VSTM2L: variants seen among roughly 807,000 people sequenced by gnomAD.
The protein encoded by VSTM2L is V-set and transmembrane domain-containing protein 2-like protein.
A neutral mutation model predicts 19.9 loss-of-function variants in VSTM2L; 9 were observed. The ratio of observed to expected loss-of-function variants is 0.45; its 90% CI spans 0.27 to 0.79. VSTM2L has a LOEUF of 0.79. VSTM2L is among the 30% of genes least tolerant of loss of function. The pLI is 0.15. For synonymous variants in VSTM2L, 127 were observed against 133.8 expected, an observed-to-expected ratio of 0.95 and a Z score of 0.35; for missense variants, 286 against 295.5, an observed-to-expected ratio of 0.97 and a Z score of 0.24.
chr20:37,903,400 T>C lies in VSTM2L; in HGVS notation c.50T>C (p.Leu17Pro). The C allele has an allele frequency of 6.7e-7, 1 of 1,490,614 alleles. No homozygotes were observed. Among genetic ancestry groups the C allele is most frequent in the Non-Finnish European group, 8.9e-7 (1 of 1,126,530 alleles). 92.3% of individuals were successfully genotyped at this position (1,490,614 alleles called of 1,614,324 possible). A position where few individuals can be genotyped will look rare whatever the true frequency, so the allele number is the denominator to read the frequency against. The change falls in exon 1 of 4, where the codon CTT becomes CCT. Residue 17 changes from leucine (L) to proline (P), a missense_variant. Transcript: ENST00000373461. ...CTGGGCGCCCTCCACTACCTGGCAC[T>C]TTTCCTGCAACTCGGCGGCGCCACG... ...VALGALHYLA[L>P]FLQLGGATRP...
chr20:37,912,292 G>T (rs1385925404), intron 1 of VSTM2L, among the ~76,000 whole-genome samples: 2 of 152,244 alleles, frequency 1.3e-5, no homozygotes, highest in African/African-American at 4.8e-5. Flanking sequence ...AGCGCTCCTG[G>T]CTTGGTCAGA....
At chr20:37,903,575 C>T in intron 1 of VSTM2L, 104 bp downstream of exon 1, 2 of 1,306,836 alleles carry the variant, frequency 1.5e-6, no homozygotes, top group Non-Finnish European at 1.9e-6. Context: ...CCAGTCGTGG[C>T]GGGCATCCCG....
chr20:37,906,553 C>T (rs1016294273), intron 1 of VSTM2L, among the ~76,000 whole-genome samples: 4 of 152,216 alleles, frequency 2.6e-5, no homozygotes, highest in Non-Finnish European at 5.9e-5. Flanking sequence ...CTCAGGCTGA[C>T]CATTCATGCA....
chr20:37,907,654 CACACACACACACCCCT>C (rs1438195863), intron 1 of VSTM2L, among the ~76,000 whole-genome samples: 1 of 151,526 alleles, frequency 6.6e-6, no homozygotes, highest in South Asian at 2.1e-4. Flanking sequence ...CCCACCCTGC[CACACACACACACCCCT>C]ACACACACAC....
chr20:37,922,202 C>G (rs1262890553), intron 1 of VSTM2L, among the ~76,000 whole-genome samples: 1 of 152,090 alleles, frequency 6.6e-6, no homozygotes. Flanking sequence ...CCTTCCCCTG[C>G]CCCCAGCCCC....
chr20:37,944,460 T>C lies in VSTM2L; in HGVS notation c.*207T>C. The C allele has an allele frequency of 1.2e-6, 1 of 818,586 alleles. No individual in the cohort carries two copies. Among genetic ancestry groups the C allele is most frequent in the Non-Finnish European group, 1.6e-6 (1 of 610,870 alleles). 50.7% of individuals were successfully genotyped at this position (818,586 alleles called of 1,614,324 possible). A position where few individuals can be genotyped will look rare whatever the true frequency, so the allele number is the denominator to read the frequency against. ...GCCCTTTCAGACCCCTGCGGTGACC[T>C]GGCTCGGAGAAGGTGGCCCTGGGCA... On this transcript the variant is annotated 3_prime_UTR_variant, in exon 4 of 4. Coordinates refer to ENST00000373461, the MANE Select transcript of VSTM2L (RefSeq NM_080607.3).
At chr20:37,922,435 C>T (rs1050180737) in intron 1 of VSTM2L, among the ~76,000 whole-genome samples, 2 of 152,158 alleles carry the variant, frequency 1.3e-5, no homozygotes, top group Admixed American at 1.3e-4. Context: ...TAGGGAGCAT[C>T]ACAGTGTGAT....
At chr20:37,922,882 G>A (rs760190534) in intron 1 of VSTM2L, among the ~76,000 whole-genome samples, 1 of 151,686 alleles carries the variant, frequency 6.6e-6, no homozygotes. Context: ...GAGGACCGGT[G>A]GGTGAGGGGC....
chr20:37,935,367 T>A (rs2072933676), intron 3 of VSTM2L, among the ~76,000 whole-genome samples: 1 of 152,204 alleles, frequency 6.6e-6, no homozygotes, highest in Admixed American at 6.5e-5. Context: ...AGGTACTCCC[T>A]GGATTCCTGC....
chr20:37,938,624 G>A (rs183041932), intron 3 of VSTM2L, among the ~76,000 whole-genome samples: 1 of 152,374 alleles, frequency 6.6e-6, no homozygotes, highest in East Asian at 1.9e-4. Flanking sequence ...GCAGGGAGGA[G>A]GCTGAACTTG....
rs771767976 is a variant in VSTM2L, at chr20:37,931,587, C to A, written c.122-48C>A. ...TTCTCCACCTCCTTCACCCACTAGC[C>A]CCGTGGTTTCCTGAGCCCCGCCATT... On this transcript the variant is annotated intron_variant, in intron 1 of 3. Coordinates refer to ENST00000373461, the MANE Select transcript of VSTM2L (RefSeq NM_080607.3). 4 of 1,578,448 alleles carry A rather than the reference C, an allele frequency of 2.5e-6. No individual in the cohort carries two copies. The South Asian group carries it at 4.7e-5, about 18-fold the overall frequency.
At position 37,921,838 on chromosome 20, in the gene VSTM2L, C is replaced by CTTTTTTTT. The variant is rs756122087; in HGVS notation, c.122-9782_122-9775dup. ...TTTCTCTCTTTCTTTCTTTCTTTTC[C>CTTTTTTTT]TTTTTTTTTTTTTTTTTTTTTTGAG... On this transcript the variant is annotated intron_variant, in intron 1 of 3. Coordinates refer to ENST00000373461, the MANE Select transcript of VSTM2L (RefSeq NM_080607.3). Among the ~76,000 whole-genome samples, 20 of 91,770 alleles carry CTTTTTTTT rather than the reference C, an allele frequency of 2.2e-4. 1 individual carries two copies. The highest frequency in any genetic ancestry group is 5.2e-4 in the African/African-American group (10 of 19,348). The allele number at this position is 91,770 out of a possible 152,430, so 60.2% of individuals were successfully genotyped here. A position where few individuals can be genotyped will look rare whatever the true frequency, so the allele number is the denominator to read the frequency against.
chr20:37,940,185 G>T (rs1021220468), intron 3 of VSTM2L, among the ~76,000 whole-genome samples: 3 of 152,228 alleles, frequency 2.0e-5, no homozygotes, highest in African/African-American at 7.2e-5. Context: ...CTCCCGCTGC[G>T]CATTTGCAAC....
intron 1 of VSTM2L, among the ~76,000 whole-genome samples, chr20:37,911,811 AG>A: frequency 6.6e-6 from 1 of 152,018 alleles, no homozygotes; most frequent in East Asian, 1.9e-4. Context: ...AGTTTGCTTG[AG>A]CTCCAAGCCT....
rs184082449 is a variant in VSTM2L at position 37,925,690 on chromosome 20, C to T, written c.122-5945C>T. Among the ~76,000 whole-genome samples the T allele has an allele frequency of 7.2e-5, 11 of 152,302 alleles. No individual in the cohort carries two copies. In the East Asian group the frequency reaches 1.5e-3, roughly 21 times the overall value. ...GTCAAAAGGTCCCTGAGGGTGCCTC[C>T]CCTAACCCACCGCCCGTAGGCAGCT... On this transcript the variant is annotated intron_variant, in intron 1 of 3. Transcript: ENST00000373461.
At chr20:37,921,800 G>A (rs973230883) in intron 1 of VSTM2L, among the ~76,000 whole-genome samples, 1 of 149,160 alleles carries the variant, frequency 6.7e-6, no homozygotes, top group East Asian at 2.0e-4. Context: ...AAGTTCAGGG[G>A]ATTTTTGTTT....
intron 1 of VSTM2L, among the ~76,000 whole-genome samples, chr20:37,917,545 A>C (rs561601020): frequency 6.6e-6 from 1 of 152,296 alleles, no homozygotes; most frequent in East Asian, 1.9e-4. Context: ...TTTAATCCTC[A>C]AAATAAGCCT....
chr20:37,945,147 G>A lies in VSTM2L; in HGVS notation c.*894G>A. 1 of 985,682 alleles carries A rather than the reference G, an allele frequency of 1.0e-6. No individual in the cohort carries two copies. Among genetic ancestry groups the A allele is most frequent in the Non-Finnish European group, 1.2e-6 (1 of 829,936 alleles). The allele number at this position is 985,682 out of a possible 1,614,324, so 61.1% of individuals were successfully genotyped here. A position where few individuals can be genotyped will look rare whatever the true frequency, so the allele number is the denominator to read the frequency against. On this transcript the variant is annotated 3_prime_UTR_variant, in exon 4 of 4. Transcript: ENST00000373461. ...GTTCCCTCACGATTCCCGATCACGG[G>A]CACACCTGCCCCCTGGTTATTTGTA...
intron 3 of VSTM2L, among the ~76,000 whole-genome samples, 175 bp downstream of exon 3, chr20:37,933,764 T>C (rs1174073272): frequency 6.6e-6 from 1 of 152,216 alleles, no homozygotes; most frequent in East Asian, 1.9e-4. Context: ...ATTTTTCAAG[T>C]TCATTCAATG....
Sources: gnomAD v4.1 joint callset for allele counts (sites outside exome capture counted in the v4.1 genomes callset) on GRCh38, gnomAD v4.1.1 for gene constraint, MANE v1.5 for transcripts, NCBI Gene and HGNC (gene_info 2026-07-23, HGNC 2026-07-21) for gene names.